Variants in EXOC2 observed in about 807,000 individuals in gnomAD.
EXOC2 encodes exocyst complex component 2.
In EXOC2, 70 loss-of-function variants were observed where a neutral mutation model predicts 131.8. The observed-to-expected ratio is 0.53, with a 90% CI of 0.44 to 0.65. The LOEUF is 0.65. EXOC2 is among the 30% of genes least tolerant of loss of function. EXOC2 has a pLI of 0.00. For missense variants in EXOC2, 923 were observed against 1,108.6 expected, an observed-to-expected ratio of 0.83 and a Z score of 2.38; for synonymous variants, 411 against 398.4, an observed-to-expected ratio of 1.03 and a Z score of -0.38.
intron 11 of EXOC2, among the ~76,000 whole-genome samples, chr6:580,566 A>C (rs182387662): frequency 3.3e-5 from 5 of 152,140 alleles, no homozygotes; most frequent in Non-Finnish European, 7.4e-5. Flanking sequence ...TGAAAAGGTT[A>C]TAACTATGTT....
intron 12 of EXOC2, 146 bp from the exon 13 acceptor site, chr6:572,790 C>A: frequency 9.9e-7 from 1 of 1,005,736 alleles, no homozygotes; most frequent in East Asian, 2.5e-5. Context: ...TCGCGGCCCA[C>A]CTGGCTGACA....
chr6:547,917 C>G (rs912801379), intron 22 of EXOC2, among the ~76,000 whole-genome samples: 1 of 152,150 alleles, frequency 6.6e-6, no homozygotes, highest in African/African-American at 2.4e-5. Context: ...GCAACAGTTC[C>G]TACTTAGTAC....
At chr6:562,747 C>G (rs1290428245) in intron 17 of EXOC2, 37 bp downstream of exon 17, 1 of 1,396,040 alleles carries the variant, frequency 7.2e-7, no homozygotes, top group Admixed American at 2.1e-5. Context: ...TTTAAATACA[C>G]ACTAATGACT....
intron 25 of EXOC2, among the ~76,000 whole-genome samples, chr6:495,375 C>T (rs1055693662): frequency 2.0e-4 from 30 of 152,236 alleles, no homozygotes; most frequent in South Asian, 4.1e-4. Context: ...CCGCCCGCCT[C>T]GGCCTCCCAA....
intron 1 of EXOC2, among the ~76,000 whole-genome samples, chr6:680,093 T>C (rs1764333473): frequency 6.6e-6 from 1 of 152,128 alleles, no homozygotes; most frequent in African/African-American, 2.4e-5. Context: ...AACCTCCAAG[T>C]TCCCATCACC....
chr6:543,697 A>G (rs1292624708), intron 22 of EXOC2, among the ~76,000 whole-genome samples: 1 of 152,248 alleles, frequency 6.6e-6, no homozygotes, highest in Non-Finnish European at 1.5e-5. Flanking sequence ...TGTCAATTAA[A>G]AATGAATAAA....
intron 4 of EXOC2, among the ~76,000 whole-genome samples, chr6:622,406 A>G (rs1035324039): frequency 2.0e-5 from 3 of 152,246 alleles, no homozygotes; most frequent in Admixed American, 6.5e-5. Flanking sequence ...CTGAGAAGTC[A>G]AACAGCTTCT....
chr6:555,936 A>G lies in EXOC2; in HGVS notation c.1992+18T>C, dbSNP rs748306697. On this transcript the variant is annotated intron_variant, in intron 19 of 27. Coordinates refer to ENST00000230449, the MANE Select transcript of EXOC2 (RefSeq NM_018303.6). The stretch of plus-strand genomic sequence containing the variant: ...AGTATTATTTGAGGCTTTCAGCATT[A>G]CTGCTTTCTATTATTACCTGCATTA... 2.5e-6 allele frequency: 4 copies of G among 1,611,972 alleles called. No individual in the cohort carries two copies. Among genetic ancestry groups the G allele is most frequent in the Non-Finnish European group, 2.5e-6 (3 of 1,179,054 alleles).
intron 22 of EXOC2, among the ~76,000 whole-genome samples, chr6:546,567 C>T (rs1400641551): frequency 7.9e-5 from 12 of 152,178 alleles, no homozygotes; most frequent in Non-Finnish European, 1.0e-4. Flanking sequence ...TCTGCCTCCG[C>T]CACCCCTGAC....
At chr6:620,311 G>A (rs1289322860) in intron 4 of EXOC2, among the ~76,000 whole-genome samples, 2 of 152,198 alleles carry the variant, frequency 1.3e-5, no homozygotes, top group South Asian at 2.1e-4. Context: ...ATCCAAGCAT[G>A]TCTATGAACT....
chr6:507,345 CA>C (rs1764622941), intron 23 of EXOC2, among the ~76,000 whole-genome samples: 1 of 9,992 alleles, frequency 1.0e-4, no homozygotes. Context: ...CCACACACAC[CA>C]CAGCAGTGAC....
intron 21 of EXOC2, among the ~76,000 whole-genome samples, chr6:551,649 T>C (rs1440094374): frequency 6.6e-6 from 1 of 152,066 alleles, no homozygotes; most frequent in East Asian, 1.9e-4. Flanking sequence ...GGATTCAGAG[T>C]GCCAGCAAGG....
At chr6:584,365 A>G (rs1183500572) in intron 11 of EXOC2, among the ~76,000 whole-genome samples, 1 of 152,252 alleles carries the variant, frequency 6.6e-6, no homozygotes, top group Non-Finnish European at 1.5e-5. Flanking sequence ...AGCAAGATAT[A>G]ACAGTTTATA....
intron 1 of EXOC2, among the ~76,000 whole-genome samples, chr6:688,083 C>A (rs1488218563): frequency 6.6e-6 from 1 of 152,134 alleles, no homozygotes; most frequent in African/African-American, 2.4e-5. Flanking sequence ...GGAGGAGGAA[C>A]AGTTTTTGGC....
chr6:678,386 C>T (rs1461684516), intron 1 of EXOC2, among the ~76,000 whole-genome samples: 2 of 152,188 alleles, frequency 1.3e-5, no homozygotes, highest in Admixed American at 1.3e-4. Flanking sequence ...AAGATCTCTG[C>T]AAACTTTAAA....
intron 25 of EXOC2, 40 bp downstream of exon 25, chr6:497,327 A>G (rs1409480393): frequency 3.8e-6 from 6 of 1,593,732 alleles, no homozygotes; most frequent in South Asian, 2.2e-5. Context: ...TGCTTTAAAT[A>G]ACAACAGAAG....
At chr6:507,355 A>ACC (rs1561795113) in intron 23 of EXOC2, among the ~76,000 whole-genome samples, 17 of 61,164 alleles carry the variant, frequency 2.8e-4, no homozygotes, top group Admixed American at 3.7e-4. Flanking sequence ...CACAGCAGTG[A>ACC]CCCCACACAC....
chr6:644,658 A>AT (rs1211668080), intron 1 of EXOC2, among the ~76,000 whole-genome samples: 10 of 152,190 alleles, frequency 6.6e-5, no homozygotes, highest in Admixed American at 6.5e-4. Flanking sequence ...AAGACTTAGT[A>AT]TTCATGGTCA....
intron 11 of EXOC2, among the ~76,000 whole-genome samples, chr6:577,655 T>G (rs1290353210): frequency 1.3e-5 from 2 of 152,212 alleles, no homozygotes; most frequent in Non-Finnish European, 2.9e-5. Context: ...AAAACACCAC[T>G]CTTTAGCTGA....
Sources: allele counts gnomAD v4.1 joint callset (sites outside exome capture counted in the v4.1 genomes callset), GRCh38; gene constraint gnomAD v4.1.1; transcripts MANE v1.5; gene names NCBI Gene and HGNC (gene_info 2026-07-23, HGNC 2026-07-21).